DNAH6: variants seen among roughly 807,000 people sequenced by gnomAD.
DNAH6 encodes the protein axonemal beta dynein heavy chain 6.
In DNAH6, 340 loss-of-function variants were observed where a neutral mutation model predicts 491.4. The observed-to-expected ratio is 0.69, with a 90% CI of 0.63 to 0.76. The LOEUF (loss-of-function observed/expected upper bound fraction) is 0.76. Ranked by LOEUF, DNAH6 falls within the 30% of genes least tolerant of loss-of-function variation. DNAH6 has a pLI of 0.00. For missense variants in DNAH6, 4,443 were observed against 4,972.2 expected, an observed-to-expected ratio of 0.89 and a Z score of 3.20; for synonymous variants, 1,603 against 1,686.1, an observed-to-expected ratio of 0.95 and a Z score of 1.21.
At chr2:84,493,655 A>T in the DNAH6 span, among the ~76,000 whole-genome samples, 3 of 152,300 alleles carry the variant, frequency 2.0e-5, no homozygotes, top group East Asian at 5.8e-4. Context: ...AAATTCCTGG[A>T]GTTAAAAAGT....
intron 16 of DNAH6, among the ~76,000 whole-genome samples, chr2:84,592,035 A>T (rs1037322878): frequency 6.6e-6 from 1 of 152,228 alleles, no homozygotes; most frequent in Non-Finnish European, 1.5e-5. Context: ...CTTGGCTATG[A>T]TTTCTTGGAT....
At position 84,614,605 on chromosome 2, in the gene DNAH6, T is replaced by A. The variant is rs140011875; in HGVS notation, c.3476-2281T>A. The stretch of plus-strand genomic sequence containing the variant: ...CAATTTTTTAGTTCTTTAAGGATTC[T>A]CCACACTGTTTTCCATAGTGGCTGT... On this transcript the variant is annotated intron_variant, in intron 22 of 76. Transcript: ENST00000389394. Among the ~76,000 whole-genome samples the A allele has an allele frequency of 1.1e-4, 16 of 152,296 alleles. No homozygotes were observed. In the East Asian group the frequency reaches 3.1e-3, roughly 29 times the overall value.
intron 4 of DNAH6, among the ~76,000 whole-genome samples, chr2:84,538,686 T>C (rs1677948586): frequency 6.6e-6 from 1 of 152,154 alleles, no homozygotes; most frequent in African/African-American, 2.4e-5. Context: ...GGATTAGGAT[T>C]CCAATTAGAA....
Position 84,762,856 on chromosome 2 carries a change from C to A in DNAH6, c.10614C>A (p.Cys3538Ter). The A allele has an allele frequency of 6.4e-7, 1 of 1,551,220 alleles. No individual in the cohort carries two copies. The highest frequency in any genetic ancestry group is 8.7e-7 in the Non-Finnish European group (1 of 1,146,602). The change falls in exon 64 of 77, where the codon TGC becomes TGA. Residue 3538 changes from cysteine (C) to a stop codon, truncating the protein, a stop_gained. Coordinates refer to ENST00000389394, the MANE Select transcript of DNAH6 (RefSeq NM_001370.2). LOFTEE classifies it high-confidence loss of function. ...DLPTLYQDMS[C>*]NTPLVFILST... ...CTACCCTGTATCAAGACATGTCATG[C>A]AACACTCCCCTGGTATTCATCCTAA...
At chr2:84,507,927 G>A in the DNAH6 span, among the ~76,000 whole-genome samples, 145,344 of 152,288 alleles carry the variant, frequency 0.95, 69,396 homozygotes, top group East Asian at 1. Context: ...CCACTTGATC[G>A]TGGTGGATAA....
intron 61 of DNAH6, among the ~76,000 whole-genome samples, chr2:84,730,944 AG>A (rs1699069543): frequency 2.0e-5 from 3 of 152,248 alleles, no homozygotes; most frequent in East Asian, 3.8e-4. Context: ...GATGTAACAC[AG>A]GGAAATGCCA....
intron 45 of DNAH6, among the ~76,000 whole-genome samples, chr2:84,692,905 G>A (rs1333555043): frequency 1.3e-5 from 2 of 152,142 alleles, no homozygotes; most frequent in Non-Finnish European, 2.9e-5. Context: ...TTCCTTTGGG[G>A]ATAATCTATT....
intron 46 of DNAH6, among the ~76,000 whole-genome samples, chr2:84,695,293 GTAA>G (rs1308165340): frequency 1.3e-5 from 2 of 152,084 alleles, no homozygotes; most frequent in East Asian, 3.8e-4. Flanking sequence ...GAAGGAAATT[GTAA>G]TAAATAAAAA....
intron 46 of DNAH6, among the ~76,000 whole-genome samples, chr2:84,696,529 A>G (rs553032957): frequency 3.9e-5 from 6 of 152,132 alleles, no homozygotes; most frequent in African/African-American, 1.4e-4. Context: ...GGAGGGAACA[A>G]ATGTCACAAG....
At chr2:84,474,666 A>G in the DNAH6 span, among the ~76,000 whole-genome samples, 2 of 152,220 alleles carry the variant, frequency 1.3e-5, no homozygotes, top group Non-Finnish European at 2.9e-5. Context: ...AGATGAAATG[A>G]TAGGCTGAAT....
Position 84,525,666 on chromosome 2 carries a change from C to G in DNAH6, c.327C>G (p.Ser109Arg). ...MTAGIIKRPV[S>R]IAKKSFATSS... is the part of the protein sequence containing the mutation. ...CAGGAATCATTAAACGTCCAGTAAG[C>G]ATAGCAAAAAAAAGTTTTGCCACAT... The change falls in exon 3 of 77, where the codon AGC (serine) becomes AGG (arginine). Residue 109 changes from serine (S) to arginine (R), a missense_variant. Ser to Arg is a moderately radical substitution (Grantham distance 110, BLOSUM62 -1). This residue lies in a region of DNAH6 where 2,977 missense variants were observed against 3,296.6 expected (regional missense o/e 0.90). Transcript: ENST00000389394. 5 of 1,550,066 alleles carry G rather than the reference C, an allele frequency of 3.2e-6. No individual in the cohort carries two copies. The highest frequency in any genetic ancestry group is 4.4e-6 in the Non-Finnish European group (5 of 1,146,180).
intron 11 of DNAH6, among the ~76,000 whole-genome samples, chr2:84,560,621 CACAACA>C (rs1680566280): frequency 6.6e-6 from 1 of 151,632 alleles, no homozygotes; most frequent in Admixed American, 6.6e-5. Flanking sequence ...TCCCCCACCC[CACAACA>C]GTCCCCAGAG....
chr2:84,570,022 G>A (rs991618506), intron 11 of DNAH6, among the ~76,000 whole-genome samples: 1 of 152,046 alleles, frequency 6.6e-6, no homozygotes, highest in Non-Finnish European at 1.5e-5. Flanking sequence ...CAATACCAAT[G>A]AGCACATCTA....
intron 11 of DNAH6, among the ~76,000 whole-genome samples, chr2:84,559,654 A>G (rs1232407459): frequency 2.0e-5 from 3 of 152,176 alleles, no homozygotes; most frequent in African/African-American, 7.2e-5. Context: ...ATGCTCTTGA[A>G]CTAAAAATTT....
intron 42 of DNAH6, among the ~76,000 whole-genome samples, chr2:84,683,420 T>A (rs914748095): frequency 5.6e-5 from 1 of 17,964 alleles, no homozygotes; most frequent in African/African-American, 9.9e-5. Flanking sequence ...TTATTTTTTT[T>A]TTTTTTTTTT....
chr2:84,476,304 C>T, the DNAH6 span, among the ~76,000 whole-genome samples: 2 of 152,142 alleles, frequency 1.3e-5, no homozygotes, highest in South Asian at 4.1e-4. Flanking sequence ...CAAGGTCTCC[C>T]TCGGCTCTAG....
At chr2:84,611,894 CT>C (rs1484293194) in intron 22 of DNAH6, 40 bp downstream of exon 22, 5 of 1,507,574 alleles carry the variant, frequency 3.3e-6, no homozygotes, top group African/African-American at 1.4e-5. Flanking sequence ...AGACTACAAT[CT>C]TTTAGTAGTC....
chr2:84,516,536 A>G lies in DNAH6; in HGVS notation c.-56A>G, dbSNP rs1675609063. On this transcript the variant is annotated 5_prime_UTR_variant, in exon 1 of 77. Coordinates refer to ENST00000389394, the MANE Select transcript of DNAH6 (RefSeq NM_001370.2). ...GAGTACTTTCTACTCCCGACCAGGCATTGCTCTCTCTGGAGACCCTCGGCG... is the reference window on the plus strand; with the variant it reads ...GAGTACTTTCTACTCCCGACCAGGCGTTGCTCTCTCTGGAGACCCTCGGCG... 3 of 152,274 alleles carry G rather than the reference A, an allele frequency of 2.0e-5. No individual in the cohort carries two copies. The highest frequency in any genetic ancestry group is 7.2e-5 in the African/African-American group (3 of 41,542). The allele number at this position is 152,274 out of a possible 1,614,324, so 9.4% of individuals were successfully genotyped here. A position where few individuals can be genotyped will look rare whatever the true frequency, so the allele number is the denominator to read the frequency against.
In DNAH6 at chr2:84,596,134, C is replaced by T. The variant is rs1271627222; in HGVS notation, c.2868+345C>T. On this transcript the variant is annotated intron_variant, in intron 18 of 76. Transcript: ENST00000389394. ...GTAGACTTGTCCAATCGGCCTTGTC[C>T]ATTTGCATCAGTGCACCACACAACT... 5.3e-5 allele frequency among the ~76,000 whole-genome samples: 8 copies of T among 152,198 alleles called. No homozygotes were observed. In the East Asian group the frequency reaches 1.4e-3, roughly 26 times the overall value.
Sources: allele counts gnomAD v4.1 joint callset (sites outside exome capture counted in the v4.1 genomes callset), GRCh38; gene constraint gnomAD v4.1.1; regional missense constraint gnomAD v4.1.1; transcripts MANE v1.5; gene names NCBI Gene and HGNC (gene_info 2026-07-23, HGNC 2026-07-21).